ADO: variants seen among roughly 807,000 people sequenced by gnomAD.
The protein encoded by ADO is 2-aminoethanethiol (cysteamine) dioxygenase.
In ADO, 9 loss-of-function variants were observed where a neutral mutation model predicts 16.6. The ratio of observed to expected loss-of-function variants is 0.54; its 90% confidence interval spans 0.33 to 0.95. The LOEUF (loss-of-function observed/expected upper bound fraction) is 0.95, where lower values mean the gene tolerates loss of function less well. Among genes scored for constraint, ADO ranks in the 40% least tolerant of loss-of-function variants. The pLI, the probability that ADO is intolerant of heterozygous loss-of-function variation, is 0.03. For missense variants in ADO, 356 were observed against 386.4 expected (o/e 0.92, Z 0.66); for synonymous variants, 189 against 179.6 (o/e 1.05, Z -0.42).
chr10:62,806,633 A>G lies in ADO; in HGVS notation c.*761A>G, dbSNP rs1842055843. On this transcript the variant is annotated 3_prime_UTR_variant, in exon 1 of 1. Transcript: ENST00000373783. Reference sequence around the variant, plus strand: ...ATCTCCAGATCTGTGAGTCGAGCAGATTTCATGTTGCAGATTCACCTTTAA... The same window carrying G: ...ATCTCCAGATCTGTGAGTCGAGCAGGTTTCATGTTGCAGATTCACCTTTAA... 1 of 167,230 alleles carries G rather than the reference A, an allele frequency of 6.0e-6. No individual in the cohort carries two copies. Among genetic ancestry groups the G allele is most frequent in the Non-Finnish European group, 1.5e-5 (1 of 68,122 alleles). The allele number at this position is 167,230 out of a possible 1,614,324, so 10.4% of individuals were successfully genotyped here. A position where few individuals can be genotyped will look rare whatever the true frequency, so the allele number is the denominator to read the frequency against.
chr10:62,806,109 T>G lies in ADO; in HGVS notation c.*237T>G. On this transcript the variant is annotated 3_prime_UTR_variant, in exon 1 of 1. Coordinates refer to ENST00000373783, the MANE Select transcript of ADO (RefSeq NM_032804.6). ...TGTCACTGCCACTGGGGCTTTGATT[T>G]GGAGGAATGGGGCAGGGGACTATCT... is the stretch of plus-strand genomic sequence containing the variant. 1 of 482,694 alleles carries G rather than the reference T, an allele frequency of 2.1e-6. No homozygotes were observed. Among genetic ancestry groups the G allele is most frequent in the Non-Finnish European group, 3.7e-6 (1 of 267,240 alleles). 29.9% of individuals were successfully genotyped at this position (482,694 alleles called of 1,614,324 possible).
chr10:62,805,187 T>G lies in ADO; in HGVS notation c.128T>G (p.Met43Arg). ...RDAASGPEAP[M>R]QPGFPENLSK... Reference sequence around the variant, plus strand: ...GCGGCTTCTGGCCCGGAGGCGCCGATGCAGCCGGGCTTCCCCGAGAACCTG... The same window carrying G: ...GCGGCTTCTGGCCCGGAGGCGCCGAGGCAGCCGGGCTTCCCCGAGAACCTG... Residue 43 changes from methionine (M) to arginine (R), a missense_variant, in exon 1 of 1, where the codon ATG (methionine) becomes AGG (arginine). By Grantham distance (91) the Met-to-Arg change is moderately conservative. Transcript: ENST00000373783. This position sits in a 1 kb window ranked among gnomAD's most constrained non-coding sequence, Gnocchi z 6.4. The G allele has an allele frequency of 6.2e-7, 1 of 1,601,204 alleles. No homozygotes were observed.
In ADO at chr10:62,805,525, C is replaced by A; in HGVS notation, c.466C>A (p.Pro156Thr). 1 of 1,541,600 alleles carries A rather than the reference C, an allele frequency of 6.5e-7. No individual in the cohort carries two copies. The highest frequency in any genetic ancestry group is 8.7e-7 in the Non-Finnish European group (1 of 1,145,776). Residue 156 changes from proline (P) to threonine (T), a missense_variant, in exon 1 of 1, where the codon CCG becomes ACG. Coordinates refer to ENST00000373783, the MANE Select transcript of ADO (RefSeq NM_032804.6). The surrounding 1 kb of genome is among the most constrained non-coding windows in gnomAD (Gnocchi z 6.4). ...GCCGCCCGAGCAGCAGTTCGAGCCG[C>A]CGCTGCAGCCCCGGGAGCGAGAAGC... ...ALPPEQQFEPPLQPREREAVR... is the reference protein window; with the variant it reads ...ALPPEQQFEPTLQPREREAVR...
Position 62,804,989 on chromosome 10 carries a change from C to G in ADO, c.-71C>G. 5 of 1,336,570 alleles carry G rather than the reference C, an allele frequency of 3.7e-6. No individual in the cohort carries two copies. Among genetic ancestry groups the G allele is most frequent in the Non-Finnish European group, 4.8e-6 (5 of 1,038,104 alleles). The allele number at this position is 1,336,570 out of a possible 1,614,324, so 82.8% of individuals were successfully genotyped here. ...CGACCCGGGCTGGGGGCAGCCGTGG[C>G]GGCCGCCGGGGACCGCAAGGGGCGG... On this transcript the variant is annotated 5_prime_UTR_variant, in exon 1 of 1. Transcript: ENST00000373783.
rs1352517876 is a variant in ADO at position 62,807,778 on chromosome 10, AT to A, written c.*1907del. 4.8e-5 allele frequency: 8 copies of A among 167,194 alleles called. No homozygotes were observed. The highest frequency in any genetic ancestry group is 1.4e-4 in the African/African-American group (6 of 41,454). The allele number at this position is 167,194 out of a possible 1,614,324, so 10.4% of individuals were successfully genotyped here. A position where few individuals can be genotyped will look rare whatever the true frequency, so the allele number is the denominator to read the frequency against. ...TGAAAATAAAATTCTAGATATGCAA[AT>A]GATTTTCTTAGAAAACTTCACAAAA... On this transcript the variant is annotated 3_prime_UTR_variant, in exon 1 of 1. Transcript: ENST00000373783.
At position 62,808,361 on chromosome 10, in the gene ADO, T is replaced by G. The variant is rs1842073661; in HGVS notation, c.*2489T>G. 1 of 167,302 alleles carries G rather than the reference T, an allele frequency of 6.0e-6. No individual in the cohort carries two copies. The highest frequency in any genetic ancestry group is 2.1e-4 in the South Asian group (1 of 4,836). 10.4% of individuals were successfully genotyped at this position (167,302 alleles called of 1,614,324 possible). ...TTCTATATACTCCGTCCAATATAGA[T>G]AATGTTTTAATAACAACTGTGGGAT... On this transcript the variant is annotated 3_prime_UTR_variant, in exon 1 of 1. Transcript: ENST00000373783.
chr10:62,806,045 G>A lies in ADO; in HGVS notation c.*173G>A. 1.9e-6 allele frequency: 1 copy of A among 528,610 alleles called. No individual in the cohort carries two copies. The highest frequency in any genetic ancestry group is 3.4e-6 in the Non-Finnish European group (1 of 295,852). The allele number at this position is 528,610 out of a possible 1,614,324, so 32.7% of individuals were successfully genotyped here. A position where few individuals can be genotyped will look rare whatever the true frequency, so the allele number is the denominator to read the frequency against. On this transcript the variant is annotated 3_prime_UTR_variant, in exon 1 of 1. Coordinates refer to ENST00000373783, the MANE Select transcript of ADO (RefSeq NM_032804.6). ...CAGCAGCCGCCGGGCACGGTTATGG[G>A]GGCGGGGTGGGCGGGGAGGCTAGAT...
rs907028204 is a variant in ADO at position 62,807,470 on chromosome 10, C to T, written c.*1598C>T. On this transcript the variant is annotated 3_prime_UTR_variant, in exon 1 of 1. Transcript: ENST00000373783. Reference sequence around the variant, plus strand: ...TGTAGAGAAACAGTACGTGCCTTTGCCTCTTTATGCACACAGAGACCCAGG... The same window carrying T: ...TGTAGAGAAACAGTACGTGCCTTTGTCTCTTTATGCACACAGAGACCCAGG... The T allele has an allele frequency of 1.2e-5, 2 of 167,114 alleles. No individual in the cohort carries two copies. Among genetic ancestry groups the T allele is most frequent in the African/African-American group, 4.8e-5 (2 of 41,430 alleles). 10.4% of individuals were successfully genotyped at this position (167,114 alleles called of 1,614,324 possible). A position where few individuals can be genotyped will look rare whatever the true frequency, so the allele number is the denominator to read the frequency against.
At position 62,805,921 on chromosome 10, in the gene ADO, C is replaced by A; in HGVS notation, c.*49C>A. On this transcript the variant is annotated 3_prime_UTR_variant, in exon 1 of 1. Transcript: ENST00000373783. The surrounding 1 kb of genome is among the most constrained non-coding windows in gnomAD (Gnocchi z 6.4). Reference sequence around the variant, plus strand: ...GGGCCGAAGACGTGCCCTACCCTACCACAAGGGCTGTGTCTCTACCCCCTA... The same window carrying A: ...GGGCCGAAGACGTGCCCTACCCTACAACAAGGGCTGTGTCTCTACCCCCTA... The A allele has an allele frequency of 7.1e-7, 1 of 1,417,476 alleles. No homozygotes were observed. The highest frequency in any genetic ancestry group is 9.3e-7 in the Non-Finnish European group (1 of 1,073,478). The allele number at this position is 1,417,476 out of a possible 1,614,324, so 87.8% of individuals were successfully genotyped here.
rs1490176611 is a variant in ADO at position 62,807,175 on chromosome 10, C to G, written c.*1303C>G. ...ATCTGTGACTAGTTTTATTTTTGTG[C>G]TTTTAATAGTCCGAGCAGTCTTACC... On this transcript the variant is annotated 3_prime_UTR_variant, in exon 1 of 1. Transcript: ENST00000373783. 1.2e-5 allele frequency: 2 copies of G among 167,214 alleles called. No homozygotes were observed. Among genetic ancestry groups the G allele is most frequent in the East Asian group, 1.9e-4 (1 of 5,348 alleles). The allele number at this position is 167,214 out of a possible 1,614,324, so 10.4% of individuals were successfully genotyped here. A position where few individuals can be genotyped will look rare whatever the true frequency, so the allele number is the denominator to read the frequency against.
rs531044630 is a variant in ADO at position 62,807,097 on chromosome 10, G to A, written c.*1225G>A. ...TAGCCATTTTAGGGCACCAAAACTTGGGATTAAACACTTCCTACTTCCCAC... is the reference window on the plus strand; with the variant it reads ...TAGCCATTTTAGGGCACCAAAACTTAGGATTAAACACTTCCTACTTCCCAC... On this transcript the variant is annotated 3_prime_UTR_variant, in exon 1 of 1. Transcript: ENST00000373783. 1.8e-5 allele frequency: 3 copies of A among 167,156 alleles called. No individual in the cohort carries two copies. The highest frequency in any genetic ancestry group is 4.4e-5 in the Non-Finnish European group (3 of 68,112). The allele number at this position is 167,156 out of a possible 1,614,324, so 10.4% of individuals were successfully genotyped here.
At position 62,806,127 on chromosome 10, in the gene ADO, G is replaced by A. The variant is rs552928669; in HGVS notation, c.*255G>A. ...TTTGATTTGGAGGAATGGGGCAGGGGACTATCTGAAGCGCTTCCATCCTAA... is the reference window on the plus strand; with the variant it reads ...TTTGATTTGGAGGAATGGGGCAGGGAACTATCTGAAGCGCTTCCATCCTAA... On this transcript the variant is annotated 3_prime_UTR_variant, in exon 1 of 1. Coordinates refer to ENST00000373783, the MANE Select transcript of ADO (RefSeq NM_032804.6). The A allele has an allele frequency of 5.1e-4, 232 of 453,572 alleles. No individual in the cohort carries two copies. Among genetic ancestry groups the A allele is most frequent in the African/African-American group, 4.1e-3 (201 of 48,706 alleles). 28.1% of individuals were successfully genotyped at this position (453,572 alleles called of 1,614,324 possible). A position where few individuals can be genotyped will look rare whatever the true frequency, so the allele number is the denominator to read the frequency against.
Position 62,806,119 on chromosome 10 carries a change from G to T in ADO, c.*247G>T. On this transcript the variant is annotated 3_prime_UTR_variant, in exon 1 of 1. Coordinates refer to ENST00000373783, the MANE Select transcript of ADO (RefSeq NM_032804.6). ...ACTGGGGCTTTGATTTGGAGGAATG[G>T]GGCAGGGGACTATCTGAAGCGCTTC... is the stretch of plus-strand genomic sequence containing the variant. 2.1e-6 allele frequency: 1 copy of T among 466,776 alleles called. No individual in the cohort carries two copies. The highest frequency in any genetic ancestry group is 3.9e-6 in the Non-Finnish European group (1 of 257,858). The allele number at this position is 466,776 out of a possible 1,614,324, so 28.9% of individuals were successfully genotyped here.
At position 62,806,429 on chromosome 10, in the gene ADO, G is replaced by T. The variant is rs1842054019; in HGVS notation, c.*557G>T. ...AATTAATTCCTTGTGAAAACTAAAT[G>T]ATTTTTTCAGTTTGGGGATCATTCT... is the stretch of plus-strand genomic sequence containing the variant. On this transcript the variant is annotated 3_prime_UTR_variant, in exon 1 of 1. Coordinates refer to ENST00000373783, the MANE Select transcript of ADO (RefSeq NM_032804.6). The T allele has an allele frequency of 6.0e-6, 1 of 167,240 alleles. No homozygotes were observed. The highest frequency in any genetic ancestry group is 1.5e-5 in the Non-Finnish European group (1 of 68,138). The allele number at this position is 167,240 out of a possible 1,614,324, so 10.4% of individuals were successfully genotyped here.
In ADO at chr10:62,805,582, G is replaced by A. The variant is rs1393568659; in HGVS notation, c.523G>A (p.Glu175Lys). 5 of 1,579,704 alleles carry A rather than the reference G, an allele frequency of 3.2e-6. No homozygotes were observed. The highest frequency in any genetic ancestry group is 2.7e-5 in the African/African-American group (2 of 74,444). The change falls in exon 1 of 1, where the codon GAG becomes AAG. Residue 175 changes from glutamate to lysine, a missense_variant. Transcript: ENST00000373783. This position sits in a 1 kb window ranked among gnomAD's most constrained non-coding sequence, Gnocchi z 6.4. ...GCCGGGCGTGCTGCGTTCGCGGGCC[G>A]AGTACACCGAGGCCAGCGGCCCCTG... ...VRPGVLRSRAEYTEASGPCIL... is the reference protein window; with the variant it reads ...VRPGVLRSRAKYTEASGPCIL...
rs1199231361 is a variant in ADO, at chr10:62,808,217, T to G, written c.*2345T>G. 1.2e-5 allele frequency: 2 copies of G among 167,302 alleles called. No individual in the cohort carries two copies. Among genetic ancestry groups the G allele is most frequent in the African/African-American group, 2.4e-5 (1 of 41,486 alleles). The allele number at this position is 167,302 out of a possible 1,614,324, so 10.4% of individuals were successfully genotyped here. A position where few individuals can be genotyped will look rare whatever the true frequency, so the allele number is the denominator to read the frequency against. On this transcript the variant is annotated 3_prime_UTR_variant, in exon 1 of 1. Transcript: ENST00000373783. ...GGTGAAGACAAAATATAACTTGTTT[T>G]AGTGAGCCACTGAGGAAAGAATATG...
chr10:62,807,605 A>T lies in ADO; in HGVS notation c.*1733A>T, dbSNP rs772363305. On this transcript the variant is annotated 3_prime_UTR_variant, in exon 1 of 1. Coordinates refer to ENST00000373783, the MANE Select transcript of ADO (RefSeq NM_032804.6). The stretch of plus-strand genomic sequence containing the variant: ...AACACAAAAAGATATTCCACAGGAC[A>T]TGCCACTTTATTATAAAACCTGACA... The T allele has an allele frequency of 6.0e-6, 1 of 167,232 alleles. No individual in the cohort carries two copies. Among genetic ancestry groups the T allele is most frequent in the East Asian group, 1.9e-4 (1 of 5,348 alleles). The allele number at this position is 167,232 out of a possible 1,614,324, so 10.4% of individuals were successfully genotyped here.
chr10:62,805,356 C>A lies in ADO; in HGVS notation c.297C>A (p.Gly99=). The A allele has an allele frequency of 6.2e-7, 1 of 1,601,672 alleles. No individual in the cohort carries two copies. The highest frequency in any genetic ancestry group is 8.5e-7 in the Non-Finnish European group (1 of 1,177,682). The part of the protein sequence containing the change: ...HIYETDGFSL[G]VFLLKSGTSI... Reference sequence around the variant, plus strand: ...ACGAGACGGACGGCTTCAGCCTGGGCGTGTTCCTGCTCAAGAGCGGCACGT... The same window carrying A: ...ACGAGACGGACGGCTTCAGCCTGGGAGTGTTCCTGCTCAAGAGCGGCACGT... The change falls in exon 1 of 1, where the codon GGC becomes GGA. Residue 99 remains glycine (G), a synonymous_variant. Coordinates refer to ENST00000373783, the MANE Select transcript of ADO (RefSeq NM_032804.6). This position sits in a 1 kb window ranked among gnomAD's most constrained non-coding sequence, Gnocchi z 6.4.
rs1488827409 is a variant in ADO at position 62,806,449 on chromosome 10, C to A, written c.*577C>A. On this transcript the variant is annotated 3_prime_UTR_variant, in exon 1 of 1. Coordinates refer to ENST00000373783, the MANE Select transcript of ADO (RefSeq NM_032804.6). ...TAAATGATTTTTTCAGTTTGGGGAT[C>A]ATTCTCACAACATAACTATGCATGT... 6.0e-6 allele frequency: 1 copy of A among 167,258 alleles called. No homozygotes were observed. Among genetic ancestry groups the A allele is most frequent in the Non-Finnish European group, 1.5e-5 (1 of 68,134 alleles). 10.4% of individuals were successfully genotyped at this position (167,258 alleles called of 1,614,324 possible). A position where few individuals can be genotyped will look rare whatever the true frequency, so the allele number is the denominator to read the frequency against.
Sources: gnomAD v4.1 joint callset for allele counts on GRCh38, gnomAD v4.1.1 for gene constraint, Gnocchi (gnomAD v3.1) non-coding constraint, MANE v1.5 for transcripts, NCBI Gene and HGNC (gene_info 2026-07-23, HGNC 2026-07-21) for gene names.